The following C1QTNF9 variants were observed in gnomAD, a reference collection of about 807,000 sequenced individuals.
The protein encoded by C1QTNF9 is C1q and TNF related 9.
Under a neutral mutation model 10.1 loss-of-function variants are expected in C1QTNF9, and 6 were observed. That is an observed-to-expected ratio of 0.59 (90% CI 0.32 to 1.17). The LOEUF (loss-of-function observed/expected upper bound fraction) is 1.17. Ranked by LOEUF, C1QTNF9 falls within the 50% of genes most tolerant of loss-of-function variation. The pLI, the probability that C1QTNF9 is intolerant of heterozygous loss-of-function variation, is 0.04. For missense variants in C1QTNF9, 201 were observed against 418.8 expected, an observed-to-expected ratio of 0.48 and a Z score of 4.54; for synonymous variants, 98 against 163.5, an observed-to-expected ratio of 0.60 and a Z score of 3.06.
At chr13:24,319,553 A>G (rs1453796319) in intron 3 of C1QTNF9, among the ~76,000 whole-genome samples, 1 of 152,132 alleles carries the variant, frequency 6.6e-6, no homozygotes, top group East Asian at 1.9e-4. Flanking sequence ...AGCAACAAAA[A>G]AACAAGCAGA....
At chr13:24,317,326 A>G (rs1878078085) in intron 2 of C1QTNF9, among the ~76,000 whole-genome samples, 1 of 151,670 alleles carries the variant, frequency 6.6e-6, no homozygotes, top group African/African-American at 2.4e-5. Context: ...TTTTGTTATA[A>G]AATTTTACAC....
upstream of C1QTNF9, among the ~76,000 whole-genome samples, chr13:24,307,433 G>C (rs1305608797): frequency 2.0e-5 from 3 of 152,272 alleles, no homozygotes. Flanking sequence ...AGCTGTGCTA[G>C]TGGCCCTGCT....
chr13:24,317,235 C>A lies in C1QTNF9; in HGVS notation c.166+1066C>A, dbSNP rs569964690. 4.6e-5 allele frequency among the ~76,000 whole-genome samples: 7 copies of A among 151,424 alleles called. No individual in the cohort carries two copies. In the South Asian group the frequency reaches 1.5e-3, roughly 32 times the overall value. On this transcript the variant is annotated intron_variant, in intron 2 of 3. Coordinates refer to ENST00000332018, the Ensembl canonical transcript of C1QTNF9. ...CATTAATGAAATCAGGTCTTCTGCCCTCACACTGGGACCACAGTAGTGTGT... is the reference window on the plus strand; with the variant it reads ...CATTAATGAAATCAGGTCTTCTGCCATCACACTGGGACCACAGTAGTGTGT...
At chr13:24,321,564 G>A (rs137913306) in exon 4 of C1QTNF9, 661 of 1,613,232 alleles carry the variant, frequency 4.1e-4, no homozygotes, top group Non-Finnish European at 5.4e-4. Flanking sequence ...AGGTGTCTTT[G>A]GTCAAAAATG....
intron 3 of C1QTNF9, among the ~76,000 whole-genome samples, chr13:24,320,522 C>G (rs1478864341): frequency 1.3e-5 from 2 of 152,096 alleles, no homozygotes; most frequent in African/African-American, 2.4e-5. Context: ...GTATCTGGAA[C>G]TACAGTTGTG....
At chr13:24,310,052 C>A (rs1877751363) in intron 1 of C1QTNF9, among the ~76,000 whole-genome samples, 1 of 151,902 alleles carries the variant, frequency 6.6e-6, no homozygotes, top group Non-Finnish European at 1.5e-5. Context: ...GGCCACCACA[C>A]CCTGCTAATT....
chr13:24,315,460 C>A (rs1189701419), intron 1 of C1QTNF9, among the ~76,000 whole-genome samples: 1 of 152,192 alleles, frequency 6.6e-6, no homozygotes, highest in African/African-American at 2.4e-5. Flanking sequence ...CACTGAGGGA[C>A]CCTTGGGTTG....
intron 1 of C1QTNF9, among the ~76,000 whole-genome samples, chr13:24,312,752 C>G (rs566010512): frequency 1.4e-4 from 22 of 151,860 alleles, no homozygotes; most frequent in South Asian, 2.1e-4. Context: ...GTCAGGAAAT[C>G]GAGACCATCC....
chr13:24,309,157 G>A (rs1877716138), upstream of C1QTNF9, among the ~76,000 whole-genome samples: 1 of 151,900 alleles, frequency 6.6e-6, no homozygotes, highest in Admixed American at 6.6e-5. Flanking sequence ...GAGAAGCACT[G>A]AAGCAAAGGC....
At chr13:24,316,421 A>T (rs1247044020) in intron 2 of C1QTNF9, among the ~76,000 whole-genome samples, 1 of 152,070 alleles carries the variant, frequency 6.6e-6, no homozygotes, top group Non-Finnish European at 1.5e-5. Flanking sequence ...CAAGATCGCC[A>T]TGACCCCTGC....
At chr13:24,321,749 T>C in exon 4 of C1QTNF9, 1 of 1,585,848 alleles carries the variant, frequency 6.3e-7, no homozygotes, top group East Asian at 2.3e-5. Context: ...ACAGGGTTCC[T>C]TCTGTTCAGC....
intron 1 of C1QTNF9, among the ~76,000 whole-genome samples, chr13:24,311,985 T>A (rs1164787617): frequency 6.6e-6 from 1 of 152,158 alleles, no homozygotes; most frequent in Non-Finnish European, 1.5e-5. Flanking sequence ...TAGCTCATGG[T>A]CATACCCAGG....
intron 2 of C1QTNF9, among the ~76,000 whole-genome samples, chr13:24,316,777 T>C (rs538989159): frequency 6.6e-6 from 1 of 152,210 alleles, no homozygotes; most frequent in East Asian, 1.9e-4. Context: ...GGGAGGGAGA[T>C]TTGCCAAAGC....
intron 2 of C1QTNF9, among the ~76,000 whole-genome samples, chr13:24,317,276 T>C (rs1878075553): frequency 6.6e-6 from 1 of 152,078 alleles, no homozygotes; most frequent in Non-Finnish European, 1.5e-5. Flanking sequence ...TGTGTGTGTG[T>C]GTGTGTGTAT....
At position 24,316,051 on chromosome 13, in the gene C1QTNF9, CAT is replaced by C. The variant is rs1565956060; in HGVS notation, c.50_51del (p.Ile17LysfsTer34). 6.2e-7 allele frequency: 1 copy of C among 1,613,764 alleles called. No homozygotes were observed. On this transcript the variant is annotated frameshift_variant, in exon 2 of 4. Coordinates refer to ENST00000332018, the Ensembl canonical transcript of C1QTNF9. LOFTEE classifies it high-confidence loss of function. ...TTGCCATTGAAATCTGCACAGGGAA[CAT>C]AAACTCACAGGACACCTGCAGGCAA...
chr13:24,313,562 C>T (rs1409051672), intron 1 of C1QTNF9, among the ~76,000 whole-genome samples: 5 of 152,190 alleles, frequency 3.3e-5, no homozygotes, highest in African/African-American at 4.8e-5. Flanking sequence ...AACTCAATTT[C>T]CTGGAATGGA....
At position 24,318,803 on chromosome 13, in the gene C1QTNF9, T is replaced by G. The variant is rs772248572; in HGVS notation, c.167-15T>G. 51 of 1,614,104 alleles carry G rather than the reference T, an allele frequency of 3.2e-5. No homozygotes were observed. Among genetic ancestry groups the G allele is most frequent in the Non-Finnish European group, 4.2e-5 (49 of 1,180,028 alleles). ...GGAATTTCAACTCATGCCTGTTTTCTGCTTTTCCACCTAGGAGAACCAGGA... is the reference window on the plus strand; with the variant it reads ...GGAATTTCAACTCATGCCTGTTTTCGGCTTTTCCACCTAGGAGAACCAGGA... On this transcript the variant is annotated splice_polypyrimidine_tract_variant and intron_variant, in intron 2 of 3. Coordinates refer to ENST00000332018, the Ensembl canonical transcript of C1QTNF9.
chr13:24,316,199 C>G (rs9511193), intron 2 of C1QTNF9, 30 bp downstream of exon 2: 242,256 of 1,266,116 alleles, frequency 0.19, 43,123 homozygotes, highest in African/African-American at 0.25. Context: ...GGCTGCCTTT[C>G]AACTTCTCTC....
exon 4 of C1QTNF9, chr13:24,321,467 A>G (rs577698338): frequency 6.2e-7 from 1 of 1,613,508 alleles, no homozygotes; most frequent in African/African-American, 1.3e-5. Flanking sequence ...TTCAACCATT[A>G]TGATACAGCA....
Sources: gnomAD v4.1 joint callset for allele counts (sites outside exome capture counted in the v4.1 genomes callset) on GRCh38, gnomAD v4.1.1 for gene constraint, MANE v1.5 for transcripts, NCBI Gene and HGNC (gene_info 2026-07-23, HGNC 2026-07-21) for gene names.